ANK2: variants seen among roughly 807,000 people sequenced by gnomAD.
ANK2 encodes the protein ankyrin 2, also known as ankyrin-2.
In ANK2, 83 loss-of-function variants were observed where a neutral mutation model predicts 360.5. That is an observed-to-expected ratio of 0.23 (90% CI 0.19 to 0.28). The LOEUF (loss-of-function observed/expected upper bound fraction) is 0.28, where lower values mean the gene tolerates loss of function less well. Among genes scored for constraint, ANK2 ranks in the 10% least tolerant of loss-of-function variants. The pLI is 1.00. For missense variants in ANK2, 4,201 were observed against 4,795.7 expected, an observed-to-expected ratio of 0.88 and a Z score of 3.66; for synonymous variants, 1,740 against 1,759.5, an observed-to-expected ratio of 0.99 and a Z score of 0.28.
the ANK2 span, among the ~76,000 whole-genome samples, chr4:112,712,055 C>T: frequency 7.5e-5 from 11 of 146,330 alleles, no homozygotes; most frequent in Middle Eastern, 3.5e-3. Flanking sequence ...CACACACACA[C>T]ATATATATAT....
At chr4:113,169,611 T>C (rs895308470) in intron 1 of ANK2, among the ~76,000 whole-genome samples, 1 of 152,160 alleles carries the variant, frequency 6.6e-6, no homozygotes, top group African/African-American at 2.4e-5. Context: ...GGGGAGGTGT[T>C]CAGTGTCACT....
intron 1 of ANK2, among the ~76,000 whole-genome samples, chr4:113,162,740 T>G (rs2097580800): frequency 6.6e-6 from 1 of 151,760 alleles, no homozygotes; most frequent in South Asian, 2.1e-4. Context: ...GGTTTTTTTT[T>G]TTTTTTTTTT....
chr4:112,879,058 A>G (rs1013665116), intron 1 of ANK2, among the ~76,000 whole-genome samples: 4 of 152,234 alleles, frequency 2.6e-5, no homozygotes, highest in Non-Finnish European at 4.4e-5. Flanking sequence ...TCAAAGTTGA[A>G]TAAACTTGGA....
intron 1 of ANK2, among the ~76,000 whole-genome samples, chr4:112,883,008 C>T (rs139529163): frequency 0.028 from 2,076 of 75,054 alleles, 22 homozygotes; most frequent in Middle Eastern, 0.053. Flanking sequence ...TTCTGGTTTA[C>T]TTGGTTAGTC....
intron 1 of ANK2, among the ~76,000 whole-genome samples, chr4:113,096,320 C>T (rs762769860): frequency 8.5e-5 from 13 of 152,212 alleles, no homozygotes; most frequent in Non-Finnish European, 1.9e-4. Flanking sequence ...CCCAAAATCA[C>T]AGTGACTTAA....
intron 2 of ANK2, among the ~76,000 whole-genome samples, chr4:112,974,417 C>A (rs1402830451): frequency 1.3e-5 from 2 of 152,178 alleles, no homozygotes; most frequent in African/African-American, 4.8e-5. Context: ...TCTTTTGTTA[C>A]TAAATTAACA....
At chr4:113,073,434 ATTGT>A (rs1307639075) in intron 1 of ANK2, among the ~76,000 whole-genome samples, 2 of 152,320 alleles carry the variant, frequency 1.3e-5, no homozygotes, top group East Asian at 1.9e-4. Flanking sequence ...ATGCACTGGG[ATTGT>A]GCAGCCAGGA....
chr4:112,886,505 T>TA (rs779253733), intron 1 of ANK2, among the ~76,000 whole-genome samples: 6 of 151,718 alleles, frequency 4.0e-5, no homozygotes, highest in Non-Finnish European at 7.4e-5. Context: ...CTATTAAAAA[T>TA]ACAAAAATCA....
At chr4:113,226,292 C>T (rs1392948809) in intron 4 of ANK2, among the ~76,000 whole-genome samples, 1 of 152,176 alleles carries the variant, frequency 6.6e-6, no homozygotes, top group Admixed American at 6.6e-5. Flanking sequence ...AAAATTCAGA[C>T]TCCTCAGCAC....
chr4:112,721,555 A>AG, the ANK2 span, among the ~76,000 whole-genome samples: 1 of 151,058 alleles, frequency 6.6e-6, no homozygotes, highest in Non-Finnish European at 1.5e-5. Flanking sequence ...AAAAAAAAAA[A>AG]AAAAAAAAAA....
Position 112,857,118 on chromosome 4 carries a change from G to A in ANK2, c.-40+38854G>A, listed in dbSNP as rs1306198656. ...AACTGGGCTATGCAGGTCTGGCAAAGATGGAGTCAAAGATGAGGCTTAGTT... is the reference window on the plus strand; with the variant it reads ...AACTGGGCTATGCAGGTCTGGCAAAAATGGAGTCAAAGATGAGGCTTAGTT... On this transcript the variant is annotated intron_variant, in intron 1 of 30. Coordinates refer to the ANK2 transcript ENST00000503271. Among the ~76,000 whole-genome samples, 3 of 152,302 alleles carry A rather than the reference G, an allele frequency of 2.0e-5. No homozygotes were observed. The East Asian group carries it at 5.8e-4, about 29-fold the overall frequency.
chr4:113,021,809 G>T (rs1258015813), intron 2 of ANK2, among the ~76,000 whole-genome samples: 2 of 151,898 alleles, frequency 1.3e-5, no homozygotes, highest in Non-Finnish European at 2.9e-5. Context: ...GGAATCTAAA[G>T]AATCTAAATG....
intron 2 of ANK2, among the ~76,000 whole-genome samples, chr4:112,990,058 G>A (rs1430429404): frequency 6.6e-6 from 1 of 152,018 alleles, no homozygotes; most frequent in Admixed American, 6.6e-5. Flanking sequence ...ATTGATTGAG[G>A]CCAGGAGTTC....
intron 2 of ANK2, among the ~76,000 whole-genome samples, chr4:112,931,017 C>A (rs1425808483): frequency 6.6e-6 from 1 of 152,122 alleles, no homozygotes; most frequent in Non-Finnish European, 1.5e-5. Flanking sequence ...TTGAGAAGAA[C>A]TACCAGAATT....
chr4:112,745,487 T>C, the ANK2 span, among the ~76,000 whole-genome samples: 7 of 152,062 alleles, frequency 4.6e-5, no homozygotes, highest in African/African-American at 1.7e-4. Flanking sequence ...TACAATAATT[T>C]ATTGTTGTCT....
chr4:113,162,265 C>T (rs1272311399), intron 1 of ANK2, among the ~76,000 whole-genome samples: 3 of 151,862 alleles, frequency 2.0e-5, no homozygotes, highest in Non-Finnish European at 4.4e-5. Flanking sequence ...TCCCTGATGA[C>T]ACTGCTTATC....
At chr4:112,774,454 T>C in the ANK2 span, among the ~76,000 whole-genome samples, 9 of 152,162 alleles carry the variant, frequency 5.9e-5, no homozygotes, top group African/African-American at 2.2e-4. Context: ...TGAACCCGCG[T>C]GGCAGAGCTT....
chr4:113,227,651 C>T (rs2099241311), intron 4 of ANK2, among the ~76,000 whole-genome samples: 1 of 152,104 alleles, frequency 6.6e-6, no homozygotes, highest in African/African-American at 2.4e-5. Flanking sequence ...AAAATTCATC[C>T]ACAGGATGGA....
chr4:112,805,729 A>T, the ANK2 span, among the ~76,000 whole-genome samples: 1 of 151,744 alleles, frequency 6.6e-6, no homozygotes, highest in Admixed American at 6.6e-5. Context: ...TTACAGGCGC[A>T]TGCCACCACG....
Sources: gnomAD v4.1 joint callset for allele counts (sites outside exome capture counted in the v4.1 genomes callset) on GRCh38, gnomAD v4.1.1 for gene constraint, MANE v1.5 for transcripts, NCBI Gene and HGNC (gene_info 2026-07-23, HGNC 2026-07-21) for gene names.